Variants in MTUS2 observed in about 807,000 individuals in gnomAD.
The protein encoded by MTUS2 is microtubule associated scaffold protein 2, also known as microtubule-associated tumor suppressor candidate 2.
A neutral mutation model predicts 114.1 loss-of-function variants in MTUS2; 40 were observed. That is an observed-to-expected ratio of 0.35 (90% CI 0.27 to 0.46). The LOEUF (loss-of-function observed/expected upper bound fraction) is 0.46, where lower values mean the gene tolerates loss of function less well. Among genes scored for constraint, MTUS2 ranks in the 20% least tolerant of loss-of-function variants. The pLI, the probability that MTUS2 is intolerant of heterozygous loss-of-function variation, is 1.00. For missense variants in MTUS2, 1,679 were observed against 1,705.4 expected (o/e 0.98, Z 0.27); for synonymous variants, 688 against 672.0 (o/e 1.02, Z -0.37).
chr13:28,900,067 T>G (rs1018048778), intron 2 of MTUS2, among the ~76,000 whole-genome samples: 2 of 152,118 alleles, frequency 1.3e-5, no homozygotes, highest in African/African-American at 4.8e-5. Context: ...TTTATATTTT[T>G]AGTAGAGACG....
chr13:29,342,380 G>A (rs1249669660), intron 7 of MTUS2, among the ~76,000 whole-genome samples: 1 of 151,480 alleles, frequency 6.6e-6, no homozygotes, highest in African/African-American at 2.4e-5. Flanking sequence ...TTAATTAGGT[G>A]TAATATATTT....
chr13:29,379,062 G>A (rs1261894279), intron 8 of MTUS2, among the ~76,000 whole-genome samples: 1 of 152,154 alleles, frequency 6.6e-6, no homozygotes, highest in Admixed American at 6.6e-5. Flanking sequence ...TGTGAAGAAG[G>A]ACGTGTTTGC....
intron 7 of MTUS2, among the ~76,000 whole-genome samples, chr13:29,341,802 T>A (rs1901415867): frequency 6.6e-6 from 1 of 152,182 alleles, no homozygotes; most frequent in Non-Finnish European, 1.5e-5. Context: ...AAATCTTTGA[T>A]CCATCTTGAG....
chr13:29,245,277 T>C (rs1206933833), intron 5 of MTUS2, among the ~76,000 whole-genome samples: 1 of 152,126 alleles, frequency 6.6e-6, no homozygotes, highest in Admixed American at 6.5e-5. Context: ...GCAGAGATGG[T>C]AAAACTTTCT....
chr13:29,118,051 C>T (rs937260794), intron 5 of MTUS2, among the ~76,000 whole-genome samples: 5 of 152,186 alleles, frequency 3.3e-5, no homozygotes, highest in Admixed American at 3.3e-4. Flanking sequence ...GAAAAATAGA[C>T]CACGTCTCCC....
At chr13:29,431,541 G>T (rs1876989855) in intron 8 of MTUS2, among the ~76,000 whole-genome samples, 1 of 152,174 alleles carries the variant, frequency 6.6e-6, no homozygotes, top group African/African-American at 2.4e-5. Flanking sequence ...AAGTTATGCG[G>T]TACTGACCAT....
chr13:29,450,332 TC>T (rs1307034023), intron 9 of MTUS2, among the ~76,000 whole-genome samples: 1 of 152,186 alleles, frequency 6.6e-6, no homozygotes, highest in Non-Finnish European at 1.5e-5. Context: ...ATGTCATAGG[TC>T]CTCAATTGCC....
At chr13:29,149,601 A>G (rs113590032) in intron 5 of MTUS2, among the ~76,000 whole-genome samples, 7 of 152,172 alleles carry the variant, frequency 4.6e-5, no homozygotes, top group Admixed American at 2.6e-4. Flanking sequence ...GCCCATGCCT[A>G]TGTCCTGAAT....
intron 8 of MTUS2, among the ~76,000 whole-genome samples, chr13:29,393,474 T>G (rs953370251): frequency 6.6e-5 from 10 of 152,198 alleles, no homozygotes; most frequent in African/African-American, 2.4e-4. Flanking sequence ...CTGGCTGTTC[T>G]CTTGTCAGGG....
intron 5 of MTUS2, among the ~76,000 whole-genome samples, chr13:29,133,593 A>T (rs898061748): frequency 6.6e-6 from 1 of 152,212 alleles, no homozygotes; most frequent in Non-Finnish European, 1.5e-5. Flanking sequence ...TCGAAGAATC[A>T]TTTGTTGAAA....
At chr13:29,010,365 G>C (rs1436549703) in intron 2 of MTUS2, among the ~76,000 whole-genome samples, 1 of 151,918 alleles carries the variant, frequency 6.6e-6, no homozygotes, top group African/African-American at 2.4e-5. Context: ...TTTTCCTCCA[G>C]CCTCCTTGGA....
chr13:29,340,065 C>T (rs11147380), intron 7 of MTUS2, among the ~76,000 whole-genome samples: 29,441 of 152,270 alleles, frequency 0.19, 2,960 homozygotes, highest in Non-Finnish European at 0.23. Flanking sequence ...CCAGAAAGCG[C>T]GCAAAGCATC....
chr13:29,004,202 GTGCA>G (rs5802501), intron 2 of MTUS2, among the ~76,000 whole-genome samples: 1 of 151,382 alleles, frequency 6.6e-6, no homozygotes, highest in Admixed American at 6.6e-5. Context: ...CACATGTATT[GTGCA>G]TGCATGCATG....
chr13:29,073,050 T>C (rs1269040601), intron 4 of MTUS2, among the ~76,000 whole-genome samples: 2 of 152,224 alleles, frequency 1.3e-5, no homozygotes, highest in African/African-American at 4.8e-5. Context: ...GTTAACTCTC[T>C]CTGGTGGTCG....
At chr13:29,201,105 G>A (rs1280017448) in intron 5 of MTUS2, among the ~76,000 whole-genome samples, 1 of 152,018 alleles carries the variant, frequency 6.6e-6, no homozygotes, top group Non-Finnish European at 1.5e-5. Context: ...TATTGACAGT[G>A]GGGTATCAAA....
chr13:29,193,031 G>A (rs1457195607), intron 5 of MTUS2, among the ~76,000 whole-genome samples: 1 of 152,204 alleles, frequency 6.6e-6, no homozygotes, highest in East Asian at 1.9e-4. Context: ...TAACTCTGGG[G>A]AGACTGAGTC....
intron 6 of MTUS2, among the ~76,000 whole-genome samples, chr13:29,298,793 A>G (rs748940890): frequency 7.9e-5 from 12 of 152,208 alleles, no homozygotes; most frequent in Non-Finnish European, 1.8e-4. Context: ...TTTTCCAGTA[A>G]TGAAAGAATC....
intron 8 of MTUS2, among the ~76,000 whole-genome samples, chr13:29,389,196 T>C (rs913619326): frequency 7.4e-6 from 1 of 135,506 alleles, no homozygotes; most frequent in Non-Finnish European, 1.7e-5. Context: ...TATATCTATA[T>C]AGATATATAT....
chr13:29,331,148 T>G (rs890474917), intron 7 of MTUS2, among the ~76,000 whole-genome samples: 1 of 152,204 alleles, frequency 6.6e-6, no homozygotes, highest in Non-Finnish European at 1.5e-5. Flanking sequence ...AAGAGGTCCT[T>G]CACATCCCTT....
Sources: gnomAD v4.1 joint callset for allele counts (sites outside exome capture counted in the v4.1 genomes callset) on GRCh38, gnomAD v4.1.1 for gene constraint, MANE v1.5 for transcripts, NCBI Gene and HGNC (gene_info 2026-07-23, HGNC 2026-07-21) for gene names.